The following SH3RF1 variants were observed in gnomAD, a reference collection of about 807,000 sequenced individuals.
SH3RF1 encodes SH3 domain containing ring finger 1.
A neutral mutation model predicts 74.0 loss-of-function variants in SH3RF1; 32 were observed. That is an observed-to-expected ratio of 0.43 (90% CI 0.33 to 0.58). The LOEUF is 0.58. Ranked by LOEUF, SH3RF1 falls within the 20% of genes least tolerant of loss-of-function variation. The pLI is 0.05. For synonymous variants in SH3RF1, 396 were observed against 439.6 expected (o/e 0.90, Z 1.24); for missense variants, 954 against 1,130.9 (o/e 0.84, Z 2.24).
rs372199743 is a variant in SH3RF1 at position 169,116,562 on chromosome 4, G to A, written c.1846C>T (p.Leu616Phe). 11 of 1,603,594 alleles carry A rather than the reference G, an allele frequency of 6.9e-6. No individual in the cohort carries two copies. The highest frequency in any genetic ancestry group is 5.3e-5 in the African/African-American group (4 of 74,810). ...GACAGGCCCACAGATGCAGGGCTGA[G>A]GCCGGCGGCATTCTGTACCTGGATG... ...TPIQVQNAAG[L>F]SPASVGLSHH... The change falls in exon 10 of 12, where the codon CTC becomes TTC. Residue 616 changes from leucine (L) to phenylalanine (F), a missense_variant. Around this residue, in one of 3 missense-constraint regions of SH3RF1, gnomAD observed 854 missense variants for 962.5 expected, o/e 0.89. Coordinates refer to ENST00000284637, the MANE Select transcript of SH3RF1 (RefSeq NM_020870.4).
At chr4:169,247,138 A>G (rs1023143556) in intron 2 of SH3RF1, among the ~76,000 whole-genome samples, 1 of 152,224 alleles carries the variant, frequency 6.6e-6, no homozygotes, top group Non-Finnish European at 1.5e-5. Flanking sequence ...ATGACTGAGG[A>G]CAAAGGTTCA....
intron 2 of SH3RF1, among the ~76,000 whole-genome samples, chr4:169,266,152 A>G (rs1731351195): frequency 1.3e-5 from 2 of 152,186 alleles, no homozygotes; most frequent in Admixed American, 1.3e-4. Flanking sequence ...AAACACTAAA[A>G]TTTTGGGAAC....
intron 2 of SH3RF1, among the ~76,000 whole-genome samples, chr4:169,197,116 C>T (rs1734826622): frequency 6.6e-6 from 1 of 152,022 alleles, no homozygotes; most frequent in South Asian, 2.1e-4. Context: ...AGCAATTATC[C>T]TGCCTCAGCC....
chr4:169,194,192 G>A (rs1308875802), intron 2 of SH3RF1, among the ~76,000 whole-genome samples: 1 of 152,118 alleles, frequency 6.6e-6, no homozygotes, highest in Non-Finnish European at 1.5e-5. Context: ...ATGAGTGTCT[G>A]TTTTAGGCTT....
chr4:169,135,806 A>G (rs1733690085), intron 5 of SH3RF1, among the ~76,000 whole-genome samples: 1 of 152,194 alleles, frequency 6.6e-6, no homozygotes, highest in South Asian at 2.1e-4. Context: ...ATGAACTTAG[A>G]AAGTGTGAGG....
At chr4:169,190,153 C>T (rs1734675881) in intron 2 of SH3RF1, among the ~76,000 whole-genome samples, 1 of 152,066 alleles carries the variant, frequency 6.6e-6, no homozygotes, top group African/African-American at 2.4e-5. Context: ...TAAGGTCACA[C>T]CTCAAGGAAC....
intron 4 of SH3RF1, among the ~76,000 whole-genome samples, chr4:169,144,389 C>T (rs1733838153): frequency 6.6e-6 from 1 of 152,162 alleles, no homozygotes; most frequent in Admixed American, 6.6e-5. Context: ...ATTCAATAGG[C>T]AAAGACTTCT....
At chr4:169,248,342 C>T (rs181577069) in intron 2 of SH3RF1, among the ~76,000 whole-genome samples, 18 of 152,240 alleles carry the variant, frequency 1.2e-4, no homozygotes, top group African/African-American at 3.1e-4. Flanking sequence ...TTTGCAGGGA[C>T]ATGGATGAAG....
At chr4:169,132,084 T>A (rs1733629307) in intron 5 of SH3RF1, among the ~76,000 whole-genome samples, 1 of 152,238 alleles carries the variant, frequency 6.6e-6, no homozygotes, top group African/African-American at 2.4e-5. Context: ...CTGCTTTTGT[T>A]GCTTCATTCT....
intron 2 of SH3RF1, among the ~76,000 whole-genome samples, chr4:169,218,456 A>AAT: frequency 6.9e-6 from 1 of 145,198 alleles, no homozygotes; most frequent in East Asian, 2.0e-4. Context: ...CATGTTATAT[A>AAT]ATATATATAA....
rs1732895786 is a variant in SH3RF1 at position 169,095,238 on chromosome 4, A to C, written c.*1281T>G. 1 of 152,628 alleles carries C rather than the reference A, an allele frequency of 6.6e-6. No homozygotes were observed. The highest frequency in any genetic ancestry group is 2.1e-4 in the South Asian group (1 of 4,830). The allele number at this position is 152,628 out of a possible 1,614,324, so 9.5% of individuals were successfully genotyped here. On this transcript the variant is annotated 3_prime_UTR_variant, in exon 12 of 12. Coordinates refer to ENST00000284637, the MANE Select transcript of SH3RF1 (RefSeq NM_020870.4). ...TCTGTCTGCTGGGAGGACATAAAAG[A>C]CCACTTTCACTAATGACTTGTGTAG...
At chr4:169,152,961 T>C (rs1733997906) in intron 4 of SH3RF1, among the ~76,000 whole-genome samples, 1 of 152,056 alleles carries the variant, frequency 6.6e-6, no homozygotes, top group African/African-American at 2.4e-5. Flanking sequence ...CAGTTTACCT[T>C]CCCTCCTAAT....
chr4:169,120,979 T>C lies in SH3RF1; in HGVS notation c.1357A>G (p.Ile453Val), dbSNP rs144219958. 1.6e-4 allele frequency: 263 copies of C among 1,612,930 alleles called. 1 individual carries two copies. The African/African-American group carries it at 3.3e-3, about 20-fold the overall frequency. ...TCTTTCCGAGGAGTGTATGGATATA[T>C]AGCAACATACCTAGAATAGAAAATA... is the stretch of plus-strand genomic sequence containing the variant. The part of the protein sequence containing the change: ...PQTRPSVYVA[I>V]YPYTPRKEDE... The change falls in exon 8 of 12, where the codon ATA (isoleucine) becomes GTA (valine). Residue 453 changes from isoleucine to valine, a missense_variant. By Grantham distance (29) the Ile-to-Val change is conservative (BLOSUM62 3). Around this residue, in one of 3 missense-constraint regions of SH3RF1, gnomAD observed 854 missense variants for 962.5 expected, o/e 0.89. Coordinates refer to ENST00000284637, the MANE Select transcript of SH3RF1 (RefSeq NM_020870.4).
chr4:169,142,903 G>A (rs904503295), intron 4 of SH3RF1, among the ~76,000 whole-genome samples: 1 of 150,284 alleles, frequency 6.7e-6, no homozygotes, highest in Admixed American at 6.8e-5. Context: ...CTACAATTTA[G>A]GTAATAAGGT....
At chr4:169,194,722 G>C (rs1360162268) in intron 2 of SH3RF1, among the ~76,000 whole-genome samples, 1 of 152,064 alleles carries the variant, frequency 6.6e-6, no homozygotes, top group Non-Finnish European at 1.5e-5. Context: ...GTATTCTAAG[G>C]AGTGAAACTG....
Position 169,117,548 on chromosome 4 carries a change from G to T in SH3RF1, c.1752C>A (p.Asn584Lys), listed in dbSNP as rs1305695431. The change falls in exon 9 of 12, where the codon AAC (asparagine) becomes AAA (lysine). Residue 584 changes from asparagine (N) to lysine (K), a missense_variant. Coordinates refer to ENST00000284637, the MANE Select transcript of SH3RF1 (RefSeq NM_020870.4). The part of the protein sequence containing the change: ...LLHMTGQMTV[N>K]QARNAVRTVA... ...CTGTCCTCACAGCATTGCGGGCCTG[G>T]TTGACTGTCATTTGCCCCGTCATGT... 6.2e-7 allele frequency: 1 copy of T among 1,614,228 alleles called. No homozygotes were observed. The highest frequency in any genetic ancestry group is 8.5e-7 in the Non-Finnish European group (1 of 1,180,046).
At chr4:169,219,614 T>C (rs935598657) in intron 2 of SH3RF1, among the ~76,000 whole-genome samples, 1 of 152,228 alleles carries the variant, frequency 6.6e-6, no homozygotes, top group Non-Finnish European at 1.5e-5. Flanking sequence ...GTGTTTGTTC[T>C]TCCTTGTCTA....
At chr4:169,108,643 G>A (rs1733188618) in intron 10 of SH3RF1, among the ~76,000 whole-genome samples, 1 of 152,228 alleles carries the variant, frequency 6.6e-6, no homozygotes, top group South Asian at 2.1e-4. Flanking sequence ...GGTAGAGGAA[G>A]ATCCTTTTGC....
At chr4:169,251,556 C>T (rs986829026) in intron 2 of SH3RF1, among the ~76,000 whole-genome samples, 1 of 152,232 alleles carries the variant, frequency 6.6e-6, no homozygotes, top group African/African-American at 2.4e-5. Context: ...TCATGGTTCA[C>T]AAAGCCTCTG....
Sources: gnomAD v4.1 joint callset for allele counts (sites outside exome capture counted in the v4.1 genomes callset) on GRCh38, gnomAD v4.1.1 for gene constraint, gnomAD v4.1.1 regional missense constraint, MANE v1.5 for transcripts, NCBI Gene and HGNC (gene_info 2026-07-23, HGNC 2026-07-21) for gene names.